FBXO15: variants seen among roughly 807,000 people sequenced by gnomAD.
FBXO15 encodes F-box protein 15.
A neutral mutation model predicts 49.5 loss-of-function variants in FBXO15; 30 were observed. The ratio of observed to expected loss-of-function variants is 0.61; its 90% confidence interval spans 0.45 to 0.82. FBXO15 has a LOEUF of 0.82. Ranked by LOEUF, FBXO15 falls within the 40% of genes least tolerant of loss-of-function variation. The pLI is 0.00. For missense variants in FBXO15, 591 were observed against 631.5 expected (o/e 0.94, Z 0.69); for synonymous variants, 250 against 232.7 (o/e 1.07, Z -0.68).
chr18:74,139,125 A>G (rs79249414), intron 2 of FBXO15, among the ~76,000 whole-genome samples: 2,912 of 152,184 alleles, frequency 0.019, 197 homozygotes, highest in East Asian at 0.13. Context: ...TTCAGTTCTC[A>G]TCTTAAATGC....
chr18:74,111,172 A>G (rs1030377204), intron 8 of FBXO15, among the ~76,000 whole-genome samples: 3 of 151,898 alleles, frequency 2.0e-5, no homozygotes, highest in African/African-American at 7.3e-5. Context: ...ATAAAACCAT[A>G]AAACACACCT....
rs1427549101 is a variant in FBXO15 at position 74,074,968 on chromosome 18, C to T, written c.1264-1238G>A. Among the ~76,000 whole-genome samples the T allele has an allele frequency of 1.3e-5, 2 of 152,206 alleles. No individual in the cohort carries two copies. Among genetic ancestry groups the T allele is most frequent in the African/African-American group, 2.4e-5 (1 of 41,450 alleles). On this transcript the variant is annotated intron_variant, in intron 9 of 9. Transcript: ENST00000419743. This position sits in a 1 kb window ranked among gnomAD's most constrained non-coding sequence, Gnocchi z 4.7. ...GCACATACCTCCCTCACTCCCCTTG[C>T]AACACACCTTAGGGCCAGGTCCAGC...
chr18:74,124,430 C>T, intron 7 of FBXO15, 59 bp downstream of exon 7: 1 of 1,395,182 alleles, frequency 7.2e-7, no homozygotes, highest in East Asian at 2.3e-5. Flanking sequence ...ATGGCATCAA[C>T]TTCTAATACT....
At chr18:74,091,129 C>T (rs901634380) in intron 8 of FBXO15, among the ~76,000 whole-genome samples, 2 of 152,022 alleles carry the variant, frequency 1.3e-5, no homozygotes, top group African/African-American at 4.8e-5. Flanking sequence ...TGAATTGAGC[C>T]CTTTATCATT....
At chr18:74,095,827 C>T (rs1913247519) in intron 8 of FBXO15, among the ~76,000 whole-genome samples, 1 of 152,138 alleles carries the variant, frequency 6.6e-6, no homozygotes, top group African/African-American at 2.4e-5. Context: ...CATGGTAGCA[C>T]AGAAGCAAGC....
At chr18:74,144,603 G>C (rs1464574225) in intron 1 of FBXO15, among the ~76,000 whole-genome samples, 1 of 152,098 alleles carries the variant, frequency 6.6e-6, no homozygotes, top group East Asian at 1.9e-4. Flanking sequence ...TTTCTTAGGA[G>C]TCTCCCAATT....
chr18:74,124,429 A>G, intron 7 of FBXO15, 60 bp downstream of exon 7: 1 of 1,366,868 alleles, frequency 7.3e-7, no homozygotes, highest in East Asian at 2.3e-5. Flanking sequence ...GATGGCATCA[A>G]CTTCTAATAC....
intron 1 of FBXO15, among the ~76,000 whole-genome samples, chr18:74,145,479 T>C (rs1043371245): frequency 7.2e-4 from 109 of 152,300 alleles, no homozygotes; most frequent in African/African-American, 2.5e-3. Flanking sequence ...ATCTCCTTAA[T>C]GTCCTGTCAG....
chr18:74,092,287 G>C (rs139654304), intron 8 of FBXO15, among the ~76,000 whole-genome samples: 1 of 152,118 alleles, frequency 6.6e-6, no homozygotes, highest in Non-Finnish European at 1.5e-5. Flanking sequence ...TTTTATTGTA[G>C]TCCTTAGATT....
At chr18:74,109,502 T>C (rs1057380545) in intron 8 of FBXO15, among the ~76,000 whole-genome samples, 1 of 152,176 alleles carries the variant, frequency 6.6e-6, no homozygotes, top group Admixed American at 6.6e-5. Flanking sequence ...GGATTATAAA[T>C]CATGCTACTA....
At chr18:74,103,020 C>T (rs922669898) in intron 8 of FBXO15, among the ~76,000 whole-genome samples, 40 of 151,822 alleles carry the variant, frequency 2.6e-4, no homozygotes, top group Admixed American at 2.0e-3. Flanking sequence ...GCTGAGGAGA[C>T]GGGTGCACCA....
intron 8 of FBXO15, among the ~76,000 whole-genome samples, chr18:74,119,837 A>G (rs1271614168): frequency 1.3e-5 from 2 of 152,158 alleles, no homozygotes; most frequent in Non-Finnish European, 2.9e-5. Flanking sequence ...GGGCTCTGTA[A>G]CGGTTCACAA....
At chr18:74,090,711 G>C (rs976118631) in intron 8 of FBXO15, among the ~76,000 whole-genome samples, 1 of 152,130 alleles carries the variant, frequency 6.6e-6, no homozygotes, top group African/African-American at 2.4e-5. Context: ...GTATGGTTTT[G>C]AGTTATTTTC....
chr18:74,127,572 C>T (rs2145197493), intron 5 of FBXO15, among the ~76,000 whole-genome samples: 1 of 152,316 alleles, frequency 6.6e-6, no homozygotes, highest in South Asian at 2.1e-4. Context: ...CAGATGCGTA[C>T]AAGGATTTAT....
intron 8 of FBXO15, among the ~76,000 whole-genome samples, chr18:74,117,859 T>C (rs571616996): frequency 3.5e-4 from 54 of 152,290 alleles, no homozygotes; most frequent in African/African-American, 1.3e-3. Context: ...TTGTTTGCAA[T>C]AGTGAATGGC....
intron 8 of FBXO15, among the ~76,000 whole-genome samples, chr18:74,120,929 G>T (rs1914439716): frequency 6.6e-6 from 1 of 151,884 alleles, no homozygotes; most frequent in East Asian, 1.9e-4. Context: ...CAGCCACACT[G>T]ATCAGGAAAA....
intron 1 of FBXO15, among the ~76,000 whole-genome samples, chr18:74,141,228 A>C (rs1302380086): frequency 6.6e-6 from 1 of 152,174 alleles, no homozygotes; most frequent in Non-Finnish European, 1.5e-5. Flanking sequence ...ACTCAGCAGC[A>C]CCTTGAGGGA....
At chr18:74,098,472 C>T (rs1055299420) in intron 8 of FBXO15, 1 of 152,058 alleles carries the variant, frequency 6.6e-6, no homozygotes, top group Admixed American at 6.5e-5. Flanking sequence ...GCAAAATGCT[C>T]AGGAAAGTCT....
At position 74,081,993 on chromosome 18, in the gene FBXO15, TTC is replaced by T. The variant is rs757637756; in HGVS notation, c.1195_1196del (p.Glu399ThrfsTer15). ...LIVIHLKNNR[E>X]HLPLIGKVGL... The stretch of plus-strand genomic sequence containing the variant: ...CAACTTTTCCAATAAGAGGTAGGTG[TTC>T]TCTGTTATTTTTTAAATGTATAACA... On this transcript the variant is annotated frameshift_variant, in exon 9 of 10. Transcript: ENST00000419743. LOFTEE classifies it high-confidence loss of function. 2.5e-6 allele frequency: 4 copies of T among 1,612,688 alleles called. No homozygotes were observed. In the African/African-American group the frequency reaches 4.0e-5, roughly 16 times the overall value.
Sources: allele counts gnomAD v4.1 joint callset (sites outside exome capture counted in the v4.1 genomes callset), GRCh38; gene constraint gnomAD v4.1.1; non-coding constraint Gnocchi (gnomAD v3.1); transcripts MANE v1.5; gene names NCBI Gene and HGNC (gene_info 2026-07-23, HGNC 2026-07-21).